Variants in GRID2 observed in about 807,000 individuals in gnomAD.
The protein encoded by GRID2 is glutamate ionotropic receptor delta type subunit 2, also known as glutamate receptor ionotropic, delta-2.
Under a neutral mutation model 114.8 loss-of-function variants are expected in GRID2, and 33 were observed. The observed-to-expected ratio is 0.29, with a 90% CI of 0.22 to 0.38. The LOEUF (loss-of-function observed/expected upper bound fraction) is 0.38, where lower values mean the gene tolerates loss of function less well. Ranked by LOEUF, GRID2 falls within the 10% of genes least tolerant of loss-of-function variation. The probability of loss-of-function intolerance (pLI) is 1.00; values close to 1 mark genes in which losing one functional copy is unlikely to be tolerated. For synonymous variants in GRID2, 505 were observed against 449.9 expected (o/e 1.12, Z -1.55); for missense variants, 1,184 against 1,257.7 (o/e 0.94, Z 0.89).
At chr4:93,368,654 A>G (rs1025184431) in intron 8 of GRID2, among the ~76,000 whole-genome samples, 2 of 152,178 alleles carry the variant, frequency 1.3e-5, no homozygotes, top group African/African-American at 4.8e-5. Context: ...GTAAAACAAT[A>G]AACTTTTTCA....
Position 93,698,681 on chromosome 4 carries a change from GT to G in GRID2, c.2361-70525del, listed in dbSNP as rs1727252909. ...TAATAAATATTGATTTTAGGAATAA[GT>G]TTTGAATATTTTATTTTTACATTTT... is the stretch of plus-strand genomic sequence containing the variant. On this transcript the variant is annotated intron_variant, in intron 14 of 15. Transcript: ENST00000282020. 1.3e-5 allele frequency among the ~76,000 whole-genome samples: 2 copies of G among 152,032 alleles called. 1 individual carries two copies. Among genetic ancestry groups the G allele is most frequent in the South Asian group, 4.1e-4 (2 of 4,834 alleles).
intron 2 of GRID2, among the ~76,000 whole-genome samples, chr4:92,721,817 G>A (rs1014261333): frequency 1.3e-5 from 2 of 152,130 alleles, no homozygotes; most frequent in African/African-American, 4.8e-5. Flanking sequence ...GAAGGCTAAA[G>A]AACTGGATGA....
At chr4:93,748,555 T>G (rs10007001) in intron 14 of GRID2, among the ~76,000 whole-genome samples, 86,368 of 151,936 alleles carry the variant, frequency 0.57, 25,148 homozygotes, top group East Asian at 0.74. Context: ...AGCTATTTCT[T>G]CTAGTAAGAA....
chr4:92,641,405 G>C (rs1040854696), intron 2 of GRID2, among the ~76,000 whole-genome samples: 9 of 150,930 alleles, frequency 6.0e-5, no homozygotes, highest in African/African-American at 2.2e-4. Context: ...TGTGTCTCTG[G>C]GACTACAGGA....
At chr4:93,312,214 C>T (rs1000514635) in intron 8 of GRID2, among the ~76,000 whole-genome samples, 22 of 152,042 alleles carry the variant, frequency 1.4e-4, no homozygotes, top group Non-Finnish European at 5.9e-5. Context: ...TCATAGAAGG[C>T]CAATATGTTG....
intron 1 of GRID2, among the ~76,000 whole-genome samples, chr4:92,326,751 A>G (rs1192572461): frequency 1.3e-5 from 2 of 151,996 alleles, no homozygotes; most frequent in African/African-American, 4.8e-5. Flanking sequence ...TGCAGAGGAG[A>G]TAAAGGAAGT....
chr4:93,058,250 G>T (rs535759002), intron 2 of GRID2, among the ~76,000 whole-genome samples: 48 of 151,974 alleles, frequency 3.2e-4, no homozygotes, highest in African/African-American at 1.2e-3. Flanking sequence ...TTAATTTAAA[G>T]AATCTTCAAG....
intron 14 of GRID2, among the ~76,000 whole-genome samples, chr4:93,655,482 A>G (rs1330715457): frequency 6.6e-6 from 1 of 152,138 alleles, no homozygotes; most frequent in Non-Finnish European, 1.5e-5. Flanking sequence ...TTAAAAAAAG[A>G]AAGTTATGAT....
At chr4:92,573,932 T>A (rs771410555) in intron 1 of GRID2, among the ~76,000 whole-genome samples, 4 of 152,182 alleles carry the variant, frequency 2.6e-5, no homozygotes, top group Non-Finnish European at 5.9e-5. Context: ...TATTACTTTG[T>A]AGAAGCCTAA....
At chr4:93,069,724 C>T (rs961963693) in intron 2 of GRID2, among the ~76,000 whole-genome samples, 11 of 152,088 alleles carry the variant, frequency 7.2e-5, no homozygotes, top group African/African-American at 2.4e-4. Flanking sequence ...TGAAAACCAT[C>T]TTGTCGGTCA....
chr4:92,757,418 A>T (rs2149343011), intron 2 of GRID2, among the ~76,000 whole-genome samples: 1 of 152,272 alleles, frequency 6.6e-6, no homozygotes, highest in South Asian at 2.1e-4. Context: ...GAATGTTGAC[A>T]AAAATATTTA....
At chr4:92,688,138 C>T (rs1482067523) in intron 2 of GRID2, among the ~76,000 whole-genome samples, 1 of 147,844 alleles carries the variant, frequency 6.8e-6, no homozygotes, top group Non-Finnish European at 1.5e-5. Context: ...CAACCTCCAC[C>T]TCCTGGGTTC....
At chr4:92,965,450 TAAAAAAAAAAAAA>T (rs869285420) in intron 2 of GRID2, among the ~76,000 whole-genome samples, 131 of 85,754 alleles carry the variant, frequency 1.5e-3, no homozygotes, top group African/African-American at 4.7e-3. Context: ...ATTCAATTTG[TAAAAAAAAAAAAA>T]AAAAAAAAAA....
chr4:93,723,358 A>C (rs1213621494), intron 14 of GRID2, among the ~76,000 whole-genome samples: 1 of 152,272 alleles, frequency 6.6e-6, no homozygotes, highest in African/African-American at 2.4e-5. Context: ...GAAACCAAGA[A>C]TTATATTGCA....
intron 14 of GRID2, among the ~76,000 whole-genome samples, chr4:93,632,936 C>A (rs1337770349): frequency 6.6e-6 from 1 of 152,158 alleles, no homozygotes; most frequent in East Asian, 1.9e-4. Context: ...CCTTCACATC[C>A]CTTGTAAGTT....
At chr4:93,518,030 T>C (rs1393495449) in intron 13 of GRID2, among the ~76,000 whole-genome samples, 1 of 97,738 alleles carries the variant, frequency 1.0e-5, no homozygotes, top group Non-Finnish European at 2.2e-5. Context: ...CATGTACATG[T>C]ATGTATATAT....
chr4:92,936,340 A>G (rs527566351), intron 2 of GRID2, among the ~76,000 whole-genome samples: 1 of 146,572 alleles, frequency 6.8e-6, no homozygotes, highest in African/African-American at 2.4e-5. Flanking sequence ...ACACTAAGGC[A>G]TTATCTGAGA....
chr4:93,676,585 C>G lies in GRID2; in HGVS notation c.2360+50150C>G, dbSNP rs1193676472. ...GGTTACAAATTATGGGATTGTGTAA[C>G]ATAATACAATGATAACTTAAGTTTA... On this transcript the variant is annotated intron_variant, in intron 14 of 15. Transcript: ENST00000282020. Among the ~76,000 whole-genome samples the G allele has an allele frequency of 3.3e-5, 5 of 152,084 alleles. No homozygotes were observed. In the East Asian group the frequency reaches 9.6e-4, roughly 29 times the overall value.
chr4:92,327,678 C>T (rs563084989), intron 1 of GRID2, among the ~76,000 whole-genome samples: 36 of 152,024 alleles, frequency 2.4e-4, no homozygotes, highest in African/African-American at 8.7e-4. Flanking sequence ...AATATTTCAA[C>T]TGTTATAGTT....
Sources: allele counts gnomAD v4.1 joint callset (sites outside exome capture counted in the v4.1 genomes callset), GRCh38; gene constraint gnomAD v4.1.1; transcripts MANE v1.5; gene names NCBI Gene and HGNC (gene_info 2026-07-23, HGNC 2026-07-21).